The following ZNF629 variants were observed in gnomAD, a reference collection of about 807,000 sequenced individuals.
ZNF629 encodes the protein DNA-binding protein.
ZNF629 carries 9 observed loss-of-function variants against 59.7 expected under a neutral mutation model. The ratio of observed to expected loss-of-function variants is 0.15; its 90% CI spans 0.09 to 0.26. The LOEUF (loss-of-function observed/expected upper bound fraction) is 0.26, where lower values mean the gene tolerates loss of function less well. Among genes scored for constraint, ZNF629 ranks in the 10% least tolerant of loss-of-function variants. The pLI, the probability that ZNF629 is intolerant of heterozygous loss-of-function variation, is 1.00. For missense variants in ZNF629, 853 were observed against 1,165.4 expected, an observed-to-expected ratio of 0.73 and a Z score of 3.90; for synonymous variants, 509 against 498.9, an observed-to-expected ratio of 1.02 and a Z score of -0.27.
chr16:30,784,519 C>CG lies in ZNF629; in HGVS notation c.-33-5dup. 1.3e-6 allele frequency: 2 copies of CG among 1,504,396 alleles called. No homozygotes were observed. The highest frequency in any genetic ancestry group is 1.8e-6 in the Non-Finnish European group (2 of 1,129,152). 93.2% of individuals were successfully genotyped at this position (1,504,396 alleles called of 1,614,324 possible). A position where few individuals can be genotyped will look rare whatever the true frequency, so the allele number is the denominator to read the frequency against. ...GGACTGCAGTGTTCCAGGGACCCTG[C>CG]GGGGGAAGACAGCGATGAGCGCACA... On this transcript the variant is annotated splice_polypyrimidine_tract_variant and splice_region_variant and intron_variant, in intron 1 of 2. Coordinates refer to ENST00000262525, the MANE Select transcript of ZNF629 (RefSeq NM_001080417.3).
rs997745502 is a variant in ZNF629 at position 30,786,640 on chromosome 16, G to A, written c.-34+388C>T. Among the ~76,000 whole-genome samples, 3 of 125,790 alleles carry A rather than the reference G, an allele frequency of 2.4e-5. No individual in the cohort carries two copies. Among genetic ancestry groups the A allele is most frequent in the Admixed American group, 1.1e-4 (1 of 9,372 alleles). 82.5% of individuals were successfully genotyped at this position (125,790 alleles called of 152,430 possible). A position where few individuals can be genotyped will look rare whatever the true frequency, so the allele number is the denominator to read the frequency against. The stretch of plus-strand genomic sequence containing the variant: ...CCCGGCCCCCCCACCGCTTGGCTCC[G>A]GACTTCTGCTCCCCCGGAGCCGCGA... On this transcript the variant is annotated intron_variant, in intron 1 of 2. Transcript: ENST00000262525. This position sits in a 1 kb window ranked among gnomAD's most constrained non-coding sequence, Gnocchi z 4.8.
intron 1 of ZNF629, among the ~76,000 whole-genome samples, chr16:30,785,129 A>G (rs1029935856): frequency 1.3e-5 from 2 of 152,190 alleles, no homozygotes; most frequent in East Asian, 1.9e-4. Context: ...TTAAAGCTGC[A>G]TCTGCAGGAA....
In ZNF629 at chr16:30,779,721, T is replaced by A. The variant is rs578048235; in HGVS notation, c.*1997A>T. ...GCGAAGGATTTGCATAAAGGTTGTG[T>A]GAAACTTTAGGTCATGGAATTAGAG... On this transcript the variant is annotated 3_prime_UTR_variant, in exon 3 of 3. Transcript: ENST00000262525. 1 of 152,272 alleles carries A rather than the reference T, an allele frequency of 6.6e-6. No individual in the cohort carries two copies. The highest frequency in any genetic ancestry group is 2.4e-5 in the African/African-American group (1 of 41,546). 9.4% of individuals were successfully genotyped at this position (152,272 alleles called of 1,614,324 possible). A position where few individuals can be genotyped will look rare whatever the true frequency, so the allele number is the denominator to read the frequency against.
At chr16:30,784,842 A>G (rs2054318396) in intron 1 of ZNF629, among the ~76,000 whole-genome samples, 1 of 152,134 alleles carries the variant, frequency 6.6e-6, no homozygotes. Context: ...TTTTCACCCC[A>G]TACCTCTGAT....
chr16:30,781,886 A>G lies in ZNF629; in HGVS notation c.2442T>C (p.Gly814=). ...EAVTLSTDQE[G]EGETPTPTES... ...CTGTGGGGGTAGGGGTCTCGCCCTC[A>G]CCTTCCTGATCTGTGGACAGGGTGA... The change falls in exon 3 of 3, where the codon GGT becomes GGC. Residue 814 remains glycine, a synonymous_variant. Coordinates refer to ENST00000262525, the MANE Select transcript of ZNF629 (RefSeq NM_001080417.3). 1 of 1,554,796 alleles carries G rather than the reference A, an allele frequency of 6.4e-7. No homozygotes were observed. The highest frequency in any genetic ancestry group is 8.7e-7 in the Non-Finnish European group (1 of 1,148,520).
chr16:30,780,532 C>T lies in ZNF629; in HGVS notation c.*1186G>A, dbSNP rs1205452981. 1 of 152,650 alleles carries T rather than the reference C, an allele frequency of 6.6e-6. No homozygotes were observed. The highest frequency in any genetic ancestry group is 1.5e-5 in the Non-Finnish European group (1 of 68,050). 9.5% of individuals were successfully genotyped at this position (152,650 alleles called of 1,614,324 possible). ...GACTAGCAGCGGTTCTCCCTCTCCA[C>T]TGAGGACAGAATTTGAGGAAATGAG... On this transcript the variant is annotated 3_prime_UTR_variant, in exon 3 of 3. Coordinates refer to ENST00000262525, the MANE Select transcript of ZNF629 (RefSeq NM_001080417.3).
Position 30,783,900 on chromosome 16 carries a change from G to T in ZNF629, c.428C>A (p.Pro143Gln). The T allele has an allele frequency of 6.3e-7, 1 of 1,597,074 alleles. No homozygotes were observed. The highest frequency in any genetic ancestry group is 1.3e-5 in the African/African-American group (1 of 74,786). Residue 143 changes from proline (P) to glutamine (Q), a missense_variant, in exon 3 of 3, where the codon CCG becomes CAG. Physicochemically the swap from Pro to Gln is moderately conservative, Grantham distance 76. Around this residue, in one of 3 missense-constraint regions of ZNF629, gnomAD observed 232 missense variants for 193.4 expected, o/e 1.20. Coordinates refer to ENST00000262525, the MANE Select transcript of ZNF629 (RefSeq NM_001080417.3). ...GATGTAGGGCTTCTCCGCCCCCGCC[G>T]GGCGGCCCTGCACCAGCTCCCGCAG... ...PSLRELVQGR[P>Q]AGAEKPYICN... is the part of the protein sequence containing the mutation.
Position 30,786,208 on chromosome 16 carries a change from A to G in ZNF629, c.-34+820T>C, listed in dbSNP as rs2054330604. ...AATTAATTTCTTCATCTCTGCAGCT[A>G]CTTAAGCTCCGAGAATCCCCCCTCC... is the stretch of plus-strand genomic sequence containing the variant. On this transcript the variant is annotated intron_variant, in intron 1 of 2. Transcript: ENST00000262525. This position sits in a 1 kb window ranked among gnomAD's most constrained non-coding sequence, Gnocchi z 4.8. Among the ~76,000 whole-genome samples, 1 of 152,170 alleles carries G rather than the reference A, an allele frequency of 6.6e-6. No homozygotes were observed. Among genetic ancestry groups the G allele is most frequent in the Non-Finnish European group, 1.5e-5 (1 of 68,020 alleles).
At position 30,782,864 on chromosome 16, in the gene ZNF629, G is replaced by A. The variant is rs1567294591; in HGVS notation, c.1464C>T (p.Cys488=). Residue 488 remains cysteine (C), a synonymous_variant, in exon 3 of 3, where the codon TGC becomes TGT. Coordinates refer to ENST00000262525, the MANE Select transcript of ZNF629 (RefSeq NM_001080417.3). ...RTHTGEKPYK[C]PECGKSFSQS... ...GGCTGAAGCTCTTGCCGCACTCGGG[G>A]CACTTGTAGGGCTTCTCGCCGGTGT... 1 of 1,614,194 alleles carries A rather than the reference G, an allele frequency of 6.2e-7. No homozygotes were observed. The highest frequency in any genetic ancestry group is 1.1e-5 in the South Asian group (1 of 91,086).
In ZNF629 at chr16:30,781,993, C is replaced by G. The variant is rs1555474163; in HGVS notation, c.2335G>C (p.Asp779His). 6.4e-7 allele frequency: 1 copy of G among 1,565,592 alleles called. No individual in the cohort carries two copies. The highest frequency in any genetic ancestry group is 1.4e-5 in the African/African-American group (1 of 73,020). ...TGGTGCCGGGTGAGGGCCACGCGGT[C>G]GAGGAAGGAGGCCCTGCAATCTGAG... is the stretch of plus-strand genomic sequence containing the variant. ...RCSDCRASFLDRVALTRHQET... is the reference protein window; with the variant it reads ...RCSDCRASFLHRVALTRHQET... The change falls in exon 3 of 3, where the codon GAC (aspartate) becomes CAC (histidine). Residue 779 changes from aspartate (D) to histidine (H), a missense_variant. This residue lies in a region of ZNF629 where 420 missense variants were observed against 435.6 expected (regional missense o/e 0.96). Transcript: ENST00000262525.
chr16:30,783,995 C>T lies in ZNF629; in HGVS notation c.333G>A (p.Glu111=). The T allele has an allele frequency of 6.4e-7, 1 of 1,573,498 alleles. No individual in the cohort carries two copies. The highest frequency in any genetic ancestry group is 8.6e-7 in the Non-Finnish European group (1 of 1,160,402). ...PTPSDWTKAC[E]ASWQWGALTT... The stretch of plus-strand genomic sequence containing the variant: ...TGAGAGCGCCCCACTGCCAGCTGGC[C>T]TCGCAGGCCTTGGTCCAGTCAGATG... The change falls in exon 3 of 3, where the codon GAG becomes GAA. Residue 111 remains glutamate (E), a synonymous_variant. Transcript: ENST00000262525.
In ZNF629 at chr16:30,783,428, G is replaced by A. The variant is rs748384123; in HGVS notation, c.900C>T (p.Gly300=). ...GGTGCTTGAGGAGGTTGTGGTTCTGGCCGAAGCGCTTCCCGCACTCGGGGC... is the reference window on the plus strand; with the variant it reads ...GGTGCTTGAGGAGGTTGTGGTTCTGACCGAAGCGCTTCCCGCACTCGGGGC... ...YKCPECGKRF[G]QNHNLLKHQK... Residue 300 remains glycine (G), a synonymous_variant, in exon 3 of 3, where the codon GGC becomes GGT. Coordinates refer to ENST00000262525, the MANE Select transcript of ZNF629 (RefSeq NM_001080417.3). 2 of 1,614,044 alleles carry A rather than the reference G, an allele frequency of 1.2e-6. No individual in the cohort carries two copies. Among genetic ancestry groups the A allele is most frequent in the Non-Finnish European group, 1.7e-6 (2 of 1,179,946 alleles).
Position 30,784,121 on chromosome 16 carries a change from G to T in ZNF629, c.207C>A (p.Asp69Glu). 6.2e-7 allele frequency: 1 copy of T among 1,608,632 alleles called. No individual in the cohort carries two copies. ...TTGGGGGGTTCTGGGGGACAGAGGG[G>T]TCCTGGGAGGATCTCTCCAGGGACA... ...TEMSLERSSQ[D>E]PSVPQNPPTP... The change falls in exon 3 of 3, where the codon GAC becomes GAA. Residue 69 changes from aspartate to glutamate, a missense_variant. Physicochemically the swap from Asp to Glu is conservative, Grantham distance 45. Coordinates refer to ENST00000262525, the MANE Select transcript of ZNF629 (RefSeq NM_001080417.3).
rs754421137 is a variant in ZNF629, at chr16:30,783,008, G to A, written c.1320C>T (p.Ile440=). ...GGTGGCGGATAAGGGTGGAGCTCAT[G>A]ATGAAGCTCTTGCCGCAGTCGGCGC... ...YICADCGKSF[I]MSSTLIRHQR... Residue 440 remains isoleucine (I), a synonymous_variant, in exon 3 of 3, where the codon ATC becomes ATT. Coordinates refer to ENST00000262525, the MANE Select transcript of ZNF629 (RefSeq NM_001080417.3). The A allele has an allele frequency of 6.2e-7, 1 of 1,614,154 alleles. No homozygotes were observed. The highest frequency in any genetic ancestry group is 1.1e-5 in the South Asian group (1 of 91,072).
At position 30,783,431 on chromosome 16, in the gene ZNF629, G is replaced by A. The variant is rs2054302118; in HGVS notation, c.897C>T (p.Phe299=). ...PYKCPECGKR[F]GQNHNLLKHQ... Reference sequence around the variant, plus strand: ...GCTTGAGGAGGTTGTGGTTCTGGCCGAAGCGCTTCCCGCACTCGGGGCACT... The same window carrying A: ...GCTTGAGGAGGTTGTGGTTCTGGCCAAAGCGCTTCCCGCACTCGGGGCACT... The change falls in exon 3 of 3, where the codon TTC becomes TTT. Residue 299 remains phenylalanine (F), a synonymous_variant. Coordinates refer to ENST00000262525, the MANE Select transcript of ZNF629 (RefSeq NM_001080417.3). 1.1e-5 allele frequency: 18 copies of A among 1,614,096 alleles called. 1 individual carries two copies. The highest frequency in any genetic ancestry group is 2.2e-5 in the South Asian group (2 of 91,084).
chr16:30,784,552 C>T, intron 1 of ZNF629, 37 bp from the exon 2 acceptor site: 1 of 1,448,712 alleles, frequency 6.9e-7, no homozygotes, highest in Non-Finnish European at 9.2e-7. Context: ...ACACTGGGAG[C>T]TGATTTTGCA....
rs187547488 is a variant in ZNF629, at chr16:30,779,265, C to T, written c.*2453G>A. 856 of 152,450 alleles carry T rather than the reference C, an allele frequency of 5.6e-3. 5 individuals are homozygous for T. The highest frequency in any genetic ancestry group is 8.6e-3 in the Non-Finnish European group (589 of 68,142). The allele number at this position is 152,450 out of a possible 1,614,324, so 9.4% of individuals were successfully genotyped here. ...TTCAGTCACACTGCCTGCCTCCCCCCAGACTGGCCTCTGAGCCCCAAAAGC... is the reference window on the plus strand; with the variant it reads ...TTCAGTCACACTGCCTGCCTCCCCCTAGACTGGCCTCTGAGCCCCAAAAGC... On this transcript the variant is annotated 3_prime_UTR_variant, in exon 3 of 3. Coordinates refer to ENST00000262525, the MANE Select transcript of ZNF629 (RefSeq NM_001080417.3).
At position 30,778,712 on chromosome 16, in the gene ZNF629, C is replaced by T. The variant is rs1017522955; in HGVS notation, c.*3006G>A. 1 of 152,634 alleles carries T rather than the reference C, an allele frequency of 6.6e-6. No individual in the cohort carries two copies. Among genetic ancestry groups the T allele is most frequent in the Admixed American group, 6.5e-5 (1 of 15,286 alleles). The allele number at this position is 152,634 out of a possible 1,614,324, so 9.5% of individuals were successfully genotyped here. Reference sequence around the variant, plus strand: ...GGATTCATGCCCAGTTCCAAGTTCCCATCTGACCTCCATGTCCATAGCAGT... The same window carrying T: ...GGATTCATGCCCAGTTCCAAGTTCCTATCTGACCTCCATGTCCATAGCAGT... On this transcript the variant is annotated 3_prime_UTR_variant, in exon 3 of 3. Transcript: ENST00000262525.
In ZNF629 at chr16:30,784,635, C is replaced by T; in HGVS notation, c.-33-120G>A. 8 of 738,540 alleles carry T rather than the reference C, an allele frequency of 1.1e-5. No homozygotes were observed. The South Asian group carries it at 1.7e-4, about 16-fold the overall frequency. 45.7% of individuals were successfully genotyped at this position (738,540 alleles called of 1,614,324 possible). ...TTCCTCCTTGTGTGAACTTCAGTGT[C>T]CTCCCACCCCATTTTTCTGGGCACG... On this transcript the variant is annotated intron_variant, in intron 1 of 2. Transcript: ENST00000262525.
Sources: allele counts gnomAD v4.1 joint callset (sites outside exome capture counted in the v4.1 genomes callset), GRCh38; gene constraint gnomAD v4.1.1; regional missense constraint gnomAD v4.1.1; non-coding constraint Gnocchi (gnomAD v3.1); transcripts MANE v1.5; gene names NCBI Gene and HGNC (gene_info 2026-07-23, HGNC 2026-07-21).